The following PLEKHA8 variants were observed in gnomAD, a reference collection of about 807,000 sequenced individuals.
PLEKHA8 encodes the protein pleckstrin homology domain-containing family A member 8.
A neutral mutation model predicts 68.2 loss-of-function variants in PLEKHA8; 36 were observed. The ratio of observed to expected loss-of-function variants is 0.53; its 90% confidence interval spans 0.40 to 0.70. The LOEUF (loss-of-function observed/expected upper bound fraction) is 0.70, where lower values mean the gene tolerates loss of function less well. Ranked by LOEUF, PLEKHA8 falls within the 30% of genes least tolerant of loss-of-function variation. The pLI is 0.00. For synonymous variants in PLEKHA8, 211 were observed against 216.1 expected (o/e 0.98, Z 0.20); for missense variants, 505 against 615.4 (o/e 0.82, Z 1.90).
chr7:30,099,755 G>A (rs1795780492), intron 13 of PLEKHA8, among the ~76,000 whole-genome samples: 1 of 152,164 alleles, frequency 6.6e-6, no homozygotes, highest in African/African-American at 2.4e-5. Context: ...GTGGCAGCAG[G>A]ATAATTCTTC....
chr7:30,077,853 G>A (rs1794704997), intron 13 of PLEKHA8, among the ~76,000 whole-genome samples: 2 of 152,178 alleles, frequency 1.3e-5, no homozygotes, highest in African/African-American at 4.8e-5. Flanking sequence ...CGCAAAGGAA[G>A]AGAAGGATAA....
At chr7:30,032,857 T>C (rs1039335283) in intron 1 of PLEKHA8, among the ~76,000 whole-genome samples, 1 of 152,242 alleles carries the variant, frequency 6.6e-6, no homozygotes, top group Non-Finnish European at 1.5e-5. Flanking sequence ...TGTTGTGAAC[T>C]CCAGCCAGCC....
intron 13 of PLEKHA8, among the ~76,000 whole-genome samples, chr7:30,103,712 C>G (rs1489010040): frequency 6.6e-6 from 1 of 152,168 alleles, no homozygotes; most frequent in Non-Finnish European, 1.5e-5. Context: ...CTGCTTATCT[C>G]TATGGAAAAG....
In PLEKHA8 at chr7:30,081,757, A is replaced by G; in HGVS notation, c.*2970A>G. The G allele has an allele frequency of 1.0e-6, 1 of 985,406 alleles. No individual in the cohort carries two copies. The highest frequency in any genetic ancestry group is 1.2e-6 in the Non-Finnish European group (1 of 829,896). The allele number at this position is 985,406 out of a possible 1,614,324, so 61.0% of individuals were successfully genotyped here. ...TGGTCTACTAGGTATTGTAGACACA[A>G]ATAAGTAACATTAGGCTAACCCCTT... is the stretch of plus-strand genomic sequence containing the variant. On this transcript the variant is annotated 3_prime_UTR_variant, in exon 14 of 14. Transcript: ENST00000449726.
intron 1 of PLEKHA8, among the ~76,000 whole-genome samples, chr7:30,037,998 T>G (rs912967548): frequency 1.3e-5 from 2 of 152,190 alleles, no homozygotes; most frequent in Non-Finnish European, 2.9e-5. Context: ...TTTTAATTGT[T>G]TTTCCTGTTA....
At chr7:30,071,456 G>A (rs981505317) in intron 12 of PLEKHA8, among the ~76,000 whole-genome samples, 4 of 152,244 alleles carry the variant, frequency 2.6e-5, no homozygotes, top group South Asian at 4.1e-4. Flanking sequence ...GTGTCCACAC[G>A]CCTCACCCCC....
At position 30,079,615 on chromosome 7, in the gene PLEKHA8, G is replaced by A. The variant is rs1794823331; in HGVS notation, c.*828G>A. The A allele has an allele frequency of 1.4e-6, 1 of 705,852 alleles. No homozygotes were observed. The highest frequency in any genetic ancestry group is 6.3e-5 in the Admixed American group (1 of 15,900). The allele number at this position is 705,852 out of a possible 1,614,324, so 43.7% of individuals were successfully genotyped here. A position where few individuals can be genotyped will look rare whatever the true frequency, so the allele number is the denominator to read the frequency against. ...TTCAAAAGCAAGGTTTAGAAGTTGAGGGATCTGTTCACAGTCACATAGTTT... is the reference window on the plus strand; with the variant it reads ...TTCAAAAGCAAGGTTTAGAAGTTGAAGGATCTGTTCACAGTCACATAGTTT... On this transcript the variant is annotated 3_prime_UTR_variant, in exon 14 of 14. Coordinates refer to ENST00000449726, the MANE Select transcript of PLEKHA8 (RefSeq NM_001197026.2).
chr7:30,070,666 CT>C (rs1296911187), intron 12 of PLEKHA8, among the ~76,000 whole-genome samples: 31 of 151,758 alleles, frequency 2.0e-4, no homozygotes, highest in Non-Finnish European at 4.4e-5. Flanking sequence ...CTGCCTCAGT[CT>C]CCCGAGTAGC....
At chr7:30,113,135 G>A (rs1562555922) in intron 13 of PLEKHA8, among the ~76,000 whole-genome samples, 3 of 152,100 alleles carry the variant, frequency 2.0e-5, no homozygotes, top group African/African-American at 4.8e-5. Flanking sequence ...ACAGTCAGTG[G>A]TTGCTCTGGT....
intron 13 of PLEKHA8, among the ~76,000 whole-genome samples, chr7:30,125,328 T>G (rs1274751438): frequency 6.6e-6 from 1 of 152,204 alleles, no homozygotes; most frequent in Non-Finnish European, 1.5e-5. Context: ...ATGGTTTGAC[T>G]TATGATTTTT....
In PLEKHA8 at chr7:30,078,892, C is replaced by G; in HGVS notation, c.*105C>G. 6.8e-7 allele frequency: 1 copy of G among 1,462,518 alleles called. No homozygotes were observed. Among genetic ancestry groups the G allele is most frequent in the Non-Finnish European group, 9.0e-7 (1 of 1,108,850 alleles). 90.6% of individuals were successfully genotyped at this position (1,462,518 alleles called of 1,614,324 possible). A position where few individuals can be genotyped will look rare whatever the true frequency, so the allele number is the denominator to read the frequency against. ...CCTCAACCCTCTCCAACCCCTTCAC[C>G]TGGGGGGATGGACAGGAGGTGGCAA... On this transcript the variant is annotated 3_prime_UTR_variant, in exon 14 of 14. Transcript: ENST00000449726.
intron 11 of PLEKHA8, among the ~76,000 whole-genome samples, chr7:30,062,245 C>T (rs191997507): frequency 6.6e-6 from 1 of 151,868 alleles, no homozygotes; most frequent in Non-Finnish European, 1.5e-5. Context: ...AGATAGGAAT[C>T]TTAAAGGCAT....
chr7:30,087,000 G>C (rs1795209340), downstream of PLEKHA8, among the ~76,000 whole-genome samples: 1 of 152,214 alleles, frequency 6.6e-6, no homozygotes, highest in Non-Finnish European at 1.5e-5. Flanking sequence ...TGAGGACACA[G>C]ATCACGTTTG....
At chr7:30,090,997 C>CA (rs1375949196), downstream of PLEKHA8, among the ~76,000 whole-genome samples, 2 of 151,964 alleles carry the variant, frequency 1.3e-5, no homozygotes, top group East Asian at 1.9e-4. Flanking sequence ...CCCTTCTCTA[C>CA]AAAAAAATCT....
At chr7:30,045,011 C>T (rs1269690036) in intron 1 of PLEKHA8, 74 bp from the exon 2 acceptor site, 2 of 1,015,810 alleles carry the variant, frequency 2.0e-6, no homozygotes, top group Non-Finnish European at 3.0e-6. Context: ...CTATGTTAGG[C>T]TCTATTTCTG....
chr7:30,068,299 A>G (rs1794005945), intron 12 of PLEKHA8, among the ~76,000 whole-genome samples: 1 of 152,226 alleles, frequency 6.6e-6, no homozygotes, highest in African/African-American at 2.4e-5. Context: ...GAACCACATG[A>G]CTAGATATTG....
intron 13 of PLEKHA8, among the ~76,000 whole-genome samples, chr7:30,103,137 T>C (rs577721852): frequency 1.3e-5 from 2 of 152,310 alleles, no homozygotes; most frequent in African/African-American, 4.8e-5. Context: ...AATTATCGTA[T>C]AATGTTTACA....
chr7:30,087,790 C>A (rs1403788175), downstream of PLEKHA8, among the ~76,000 whole-genome samples: 1 of 152,186 alleles, frequency 6.6e-6, no homozygotes, highest in Non-Finnish European at 1.5e-5. Context: ...TCAAAATCTT[C>A]CCAGACTCAA....
intron 13 of PLEKHA8, chr7:30,115,827 T>G (rs542265512): frequency 2.1e-5 from 3 of 143,174 alleles, no homozygotes; most frequent in Non-Finnish European, 3.1e-5. Context: ...TATACATGCG[T>G]GCACATACAT....
Sources: allele counts gnomAD v4.1 joint callset (sites outside exome capture counted in the v4.1 genomes callset), GRCh38; gene constraint gnomAD v4.1.1; transcripts MANE v1.5; gene names NCBI Gene and HGNC (gene_info 2026-07-23, HGNC 2026-07-21).